Variants in RNF115 observed in about 807,000 individuals in gnomAD.
RNF115 encodes the protein ring finger protein 115.
Under a neutral mutation model 39.2 loss-of-function variants are expected in RNF115, and 31 were observed. The observed-to-expected ratio is 0.79, with a 90% CI of 0.59 to 1.07. The LOEUF (loss-of-function observed/expected upper bound fraction) is 1.07, where lower values mean the gene tolerates loss of function less well. Ranked by LOEUF, RNF115 falls within the 50% of genes least tolerant of loss-of-function variation. RNF115 has a pLI of 0.00. For synonymous variants in RNF115, 124 were observed against 131.0 expected, an observed-to-expected ratio of 0.95 and a Z score of 0.37; for missense variants, 384 against 381.7, an observed-to-expected ratio of 1.01 and a Z score of -0.05.
chr1:145,823,804 A>C lies in RNF115; in HGVS notation c.70T>G (p.Phe24Val). The C allele has an allele frequency of 6.3e-7, 1 of 1,586,892 alleles. No individual in the cohort carries two copies. The highest frequency in any genetic ancestry group is 8.5e-7 in the Non-Finnish European group (1 of 1,169,680). Residue 24 changes from phenylalanine (F) to valine (V), a missense_variant, in exon 1 of 9, where the codon TTT becomes GTT. Coordinates refer to ENST00000582693, the MANE Select transcript of RNF115 (RefSeq NM_014455.4). ...AVAAHRFFCH[F>V]CKGEVSPKLP... Reference sequence around the variant, plus strand: ...TTGGGGCTGACCTCGCCCTTGCAAAAGTGGCAGAAAAACCGGTGGGCGGCT... The same window carrying C: ...TTGGGGCTGACCTCGCCCTTGCAAACGTGGCAGAAAAACCGGTGGGCGGCT...
In RNF115 at chr1:145,757,293, T is replaced by C. The variant is rs114372212; in HGVS notation, c.429-4244A>G. On this transcript the variant is annotated intron_variant, in intron 4 of 8. Transcript: ENST00000582693. Reference sequence around the variant, plus strand: ...AGGGTTAGGACTTGAACACAGCTTTTTGGGGGACACAATTCTACCCATTAC... The same window carrying C: ...AGGGTTAGGACTTGAACACAGCTTTCTGGGGGACACAATTCTACCCATTAC... Among the ~76,000 whole-genome samples, 631 of 152,218 alleles carry C rather than the reference T, an allele frequency of 4.1e-3. 6 individuals are homozygous for C. The highest frequency in any genetic ancestry group is 0.014 in the African/African-American group (587 of 41,508).
In RNF115 at chr1:145,823,949, T is replaced by G. The variant is rs1000073992; in HGVS notation, c.-76A>C. 1.9e-6 allele frequency: 2 copies of G among 1,079,798 alleles called. No individual in the cohort carries two copies. Among genetic ancestry groups the G allele is most frequent in the Non-Finnish European group, 2.5e-6 (2 of 804,802 alleles). 66.9% of individuals were successfully genotyped at this position (1,079,798 alleles called of 1,614,324 possible). On this transcript the variant is annotated 5_prime_UTR_variant, in exon 1 of 9. Transcript: ENST00000582693. ...CAGGCCGCTACCTCCCGAGCTGCAG[T>G]CGTCGCCGCCGCCGCCGCCTCGGTG...
chr1:145,784,732 G>A, intron 2 of RNF115, 136 bp from the exon 3 acceptor site: 1 of 642,684 alleles, frequency 1.6e-6, no homozygotes, highest in South Asian at 2.1e-5. Flanking sequence ...ACCTATTAAA[G>A]GAAATTATGA....
intron 4 of RNF115, among the ~76,000 whole-genome samples, chr1:145,764,564 C>G (rs1160681299): frequency 6.6e-6 from 1 of 151,504 alleles, no homozygotes; most frequent in African/African-American, 2.4e-5. Flanking sequence ...CTCCGCCCGG[C>G]AGCCGCCCCG....
At chr1:145,747,081 G>T in intron 8 of RNF115, 84 bp from the exon 9 acceptor site, 1 of 1,358,134 alleles carries the variant, frequency 7.4e-7, no homozygotes, top group Non-Finnish European at 1.0e-6. Context: ...CCTGAGAATT[G>T]TCACATCAAA....
In RNF115 at chr1:145,751,557, C is replaced by A. The variant is rs897422009; in HGVS notation, c.501-47G>T. 3.6e-6 allele frequency: 5 copies of A among 1,390,886 alleles called. No individual in the cohort carries two copies. In the African/African-American group the frequency reaches 5.7e-5, roughly 16 times the overall value. 86.2% of individuals were successfully genotyped at this position (1,390,886 alleles called of 1,614,324 possible). A position where few individuals can be genotyped will look rare whatever the true frequency, so the allele number is the denominator to read the frequency against. On this transcript the variant is annotated intron_variant, in intron 5 of 8. Transcript: ENST00000582693. ...CAGCATTAGATGGAGTGACCAGGCT[C>A]TGCCTTACACCACAGAAAAAAATTG...
intron 1 of RNF115, among the ~76,000 whole-genome samples, chr1:145,807,311 A>T (rs1649503366): frequency 6.6e-6 from 1 of 152,188 alleles, no homozygotes; most frequent in African/African-American, 2.4e-5. Context: ...GACGAGATAG[A>T]CCTATATTAT....
chr1:145,751,435 C>CA lies in RNF115; in HGVS notation c.573+2dup. ...CAGACACCCTCAAAAGGCAGCTCCT[C>CA]ACCTGGGTTACAATGGCATCAAGCC... On this transcript the variant is annotated splice_region_variant and intron_variant, in intron 6 of 8. Coordinates refer to ENST00000582693, the MANE Select transcript of RNF115 (RefSeq NM_014455.4). 6.3e-7 allele frequency: 1 copy of CA among 1,574,994 alleles called. No individual in the cohort carries two copies.
At position 145,746,275 on chromosome 1, in the gene RNF115, G is replaced by C. The variant is rs1384362032; in HGVS notation, c.*591C>G. 1 of 151,666 alleles carries C rather than the reference G, an allele frequency of 6.6e-6. No individual in the cohort carries two copies. The highest frequency in any genetic ancestry group is 1.5e-5 in the Non-Finnish European group (1 of 67,938). The allele number at this position is 151,666 out of a possible 1,614,324, so 9.4% of individuals were successfully genotyped here. A position where few individuals can be genotyped will look rare whatever the true frequency, so the allele number is the denominator to read the frequency against. The stretch of plus-strand genomic sequence containing the variant: ...AAATAAGAAAACCAAAGCACACAAT[G>C]ATAAACCACTTTTCTCTTCTTGCTG... On this transcript the variant is annotated 3_prime_UTR_variant, in exon 9 of 9. Coordinates refer to ENST00000582693, the MANE Select transcript of RNF115 (RefSeq NM_014455.4).
intron 4 of RNF115, among the ~76,000 whole-genome samples, chr1:145,757,980 G>A (rs1356469873): frequency 2.0e-5 from 3 of 152,142 alleles, no homozygotes; most frequent in African/African-American, 7.2e-5. Flanking sequence ...ATAGATTTTG[G>A]GAGGAAGTGA....
At chr1:145,785,733 A>T (rs1648348260) in intron 2 of RNF115, among the ~76,000 whole-genome samples, 1 of 151,528 alleles carries the variant, frequency 6.6e-6, no homozygotes, top group South Asian at 2.1e-4. Flanking sequence ...AACACACCCT[A>T]GTTAGTCTGA....
At chr1:145,792,419 C>T (rs1648717043) in intron 1 of RNF115, among the ~76,000 whole-genome samples, 1 of 151,938 alleles carries the variant, frequency 6.6e-6, no homozygotes, top group Admixed American at 6.6e-5. Flanking sequence ...CAGCCTCGAA[C>T]TCCTGTGCTC....
chr1:145,756,883 C>A (rs1658319742), intron 4 of RNF115, among the ~76,000 whole-genome samples: 2 of 141,548 alleles, frequency 1.4e-5, no homozygotes, highest in Admixed American at 7.4e-5. Context: ...CTCGCCCAGG[C>A]CAGAGTGCAG....
In RNF115 at chr1:145,748,017, C is replaced by T; in HGVS notation, c.761G>A (p.Cys254Tyr). ...CACCAGTTCTAGCCACGGCACAATACAACTGCTGTGAAAGAAGTGATTGCA... is the reference window on the plus strand; with the variant it reads ...CACCAGTTCTAGCCACGGCACAATATAACTGCTGTGAAAGAAGTGATTGCA... ...LPCNHFFHSS[C>Y]IVPWLELHDT... is the part of the protein sequence containing the mutation. The change falls in exon 8 of 9, where the codon TGT becomes TAT. Residue 254 changes from cysteine to tyrosine, a missense_variant. Coordinates refer to ENST00000582693, the MANE Select transcript of RNF115 (RefSeq NM_014455.4). 3.1e-6 allele frequency: 5 copies of T among 1,613,234 alleles called. No homozygotes were observed. Among genetic ancestry groups the T allele is most frequent in the Non-Finnish European group, 4.2e-6 (5 of 1,179,222 alleles).
chr1:145,801,933 G>A (rs1307966054), intron 1 of RNF115, among the ~76,000 whole-genome samples: 1 of 152,044 alleles, frequency 6.6e-6, no homozygotes, highest in Non-Finnish European at 1.5e-5. Context: ...GACTACAGGT[G>A]TATACCATTA....
intron 3 of RNF115, among the ~76,000 whole-genome samples, chr1:145,781,826 C>T (rs952180930): frequency 2.0e-5 from 3 of 151,984 alleles, no homozygotes; most frequent in Non-Finnish European, 4.4e-5. Flanking sequence ...GACCCTGGCC[C>T]ACCTTAACTC....
chr1:145,795,523 T>G (rs1648936998), intron 1 of RNF115, among the ~76,000 whole-genome samples: 1 of 152,108 alleles, frequency 6.6e-6, no homozygotes, highest in Non-Finnish European at 1.5e-5. Context: ...TTACAATCCT[T>G]TAGCTAGACA....
intron 3 of RNF115, among the ~76,000 whole-genome samples, chr1:145,783,586 A>C (rs1042255120): frequency 2.0e-5 from 3 of 152,314 alleles, no homozygotes; most frequent in Middle Eastern, 3.4e-3. Flanking sequence ...TGTGATCCTA[A>C]AACATAAAGA....
chr1:145,789,451 T>G (rs914156553), intron 1 of RNF115, among the ~76,000 whole-genome samples: 2 of 151,024 alleles, frequency 1.3e-5, no homozygotes, highest in Non-Finnish European at 2.9e-5. Context: ...CAGGCTGGAG[T>G]GCAATGGCAT....
Sources: gnomAD v4.1 joint callset for allele counts (sites outside exome capture counted in the v4.1 genomes callset) on GRCh38, gnomAD v4.1.1 for gene constraint, MANE v1.5 for transcripts, NCBI Gene and HGNC (gene_info 2026-07-23, HGNC 2026-07-21) for gene names.